The following NKTR variants were observed in gnomAD, a reference collection of about 807,000 sequenced individuals.
NKTR encodes the protein NK-tumor recognition protein.
NKTR carries 67 observed loss-of-function variants against 156.3 expected under a neutral mutation model. The ratio of observed to expected loss-of-function variants is 0.43; its 90% CI spans 0.35 to 0.53. The LOEUF is 0.53. NKTR is among the 20% of genes least tolerant of loss of function. NKTR has a pLI of 0.01. For missense variants in NKTR, 1,604 were observed against 1,730.9 expected (o/e 0.93, Z 1.30); for synonymous variants, 640 against 596.6 (o/e 1.07, Z -1.06).
chr3:42,619,172 T>C, intron 4 of NKTR, 45 bp downstream of exon 4: 1 of 1,581,942 alleles, frequency 6.3e-7, no homozygotes, highest in Non-Finnish European at 8.6e-7. Flanking sequence ...CTATCAGTTT[T>C]TAAAGTATTT....
intron 6 of NKTR, chr3:42,628,566 C>T (rs1254859020): frequency 1.0e-6 from 1 of 985,254 alleles, no homozygotes; most frequent in Non-Finnish European, 1.2e-6. Flanking sequence ...GCAGGCTTTC[C>T]CCAATACTGC....
At chr3:42,610,817 T>C (rs1195161215) in intron 2 of NKTR, among the ~76,000 whole-genome samples, 13 of 152,338 alleles carry the variant, frequency 8.5e-5, no homozygotes, top group South Asian at 4.1e-4. Flanking sequence ...ACAGTTGATA[T>C]AGTGTTACAC....
At chr3:42,614,985 C>T (rs1205743908) in intron 2 of NKTR, among the ~76,000 whole-genome samples, 2 of 151,870 alleles carry the variant, frequency 1.3e-5, no homozygotes, top group African/African-American at 4.8e-5. Context: ...AAAACCTCTA[C>T]TCTATCCTTT....
intron 12 of NKTR, 35 bp from the exon 13 acceptor site, chr3:42,636,833 T>C (rs1559582925): frequency 6.6e-7 from 1 of 1,520,556 alleles, no homozygotes. Context: ...AACATGCTTA[T>C]AAATCACCGC....
At chr3:42,630,386 T>C in intron 6 of NKTR, 160 bp from the exon 7 acceptor site, 4 of 1,434,802 alleles carry the variant, frequency 2.8e-6, no homozygotes, top group Non-Finnish European at 1.8e-6. Context: ...TATTGCTGTT[T>C]TGGGGTTTTT....
intron 6 of NKTR, among the ~76,000 whole-genome samples, chr3:42,626,380 A>G (rs1051710385): frequency 1.3e-5 from 2 of 152,116 alleles, no homozygotes; most frequent in East Asian, 1.9e-4. Flanking sequence ...TTGTTTAAAT[A>G]TAGATAAAAA....
In NKTR at chr3:42,631,551, G is replaced by T. The variant is rs960552213; in HGVS notation, c.550+235G>T. 3.3e-5 allele frequency among the ~76,000 whole-genome samples: 5 copies of T among 152,106 alleles called. No individual in the cohort carries two copies. In the East Asian group the frequency reaches 9.6e-4, roughly 29 times the overall value. ...TTTGTGTCTGGATTATTGCCGTAGCGTCGTAACTGTTTACCTTGCCTCCGT... is the reference window on the plus strand; with the variant it reads ...TTTGTGTCTGGATTATTGCCGTAGCTTCGTAACTGTTTACCTTGCCTCCGT... On this transcript the variant is annotated intron_variant, in intron 8 of 16. Transcript: ENST00000232978.
chr3:42,616,041 T>G (rs1474556049), intron 2 of NKTR, among the ~76,000 whole-genome samples: 1 of 152,200 alleles, frequency 6.6e-6, no homozygotes, highest in African/African-American at 2.4e-5. Flanking sequence ...CTAAGAATGT[T>G]GACACAGGAA....
In NKTR at chr3:42,612,665, G is replaced by T. The variant is rs1470996568; in HGVS notation, c.59-4905G>T. ...ATATGTATTCAAATAGATATTTCAG[G>T]ATAAAATGTATTTCCTTTGCTAGGT... On this transcript the variant is annotated intron_variant, in intron 2 of 16. Coordinates refer to ENST00000232978, the MANE Select transcript of NKTR (RefSeq NM_005385.4). Among the ~76,000 whole-genome samples the T allele has an allele frequency of 2.0e-5, 3 of 152,162 alleles. No homozygotes were observed. The South Asian group carries it at 6.2e-4, about 32-fold the overall frequency.
chr3:42,623,146 A>C (rs1708065181), intron 6 of NKTR, among the ~76,000 whole-genome samples: 1 of 152,024 alleles, frequency 6.6e-6, no homozygotes, highest in South Asian at 2.1e-4. Flanking sequence ...TTTTCTAGGA[A>C]TATCTAGTAA....
chr3:42,623,240 C>T (rs942000326), intron 6 of NKTR, among the ~76,000 whole-genome samples: 1 of 151,972 alleles, frequency 6.6e-6, no homozygotes, highest in African/African-American at 2.4e-5. Context: ...AATTTTGAAT[C>T]AATAAATTAC....
chr3:42,637,699 T>C lies in NKTR; in HGVS notation c.1995T>C (p.His665=), dbSNP rs140606522. 948 of 1,613,818 alleles carry C rather than the reference T, an allele frequency of 5.9e-4. 1 individual carries two copies. Among genetic ancestry groups the C allele is most frequent in the Non-Finnish European group, 7.6e-4 (901 of 1,179,994 alleles). ...AGACTGGTAGCTCATCATCCTACCA[T>C]AAAAGAGAAAAAAATTCGGAAAGTG... ...IKETGSSSSY[H]KREKNSESDQ... is the part of the protein sequence containing the mutation. The change falls in exon 13 of 17, where the codon CAT becomes CAC. Residue 665 remains histidine (H), a synonymous_variant. Transcript: ENST00000232978.
rs1273230448 is a variant in NKTR, at chr3:42,648,181, G to A, written c.*2206G>A. On this transcript the variant is annotated 3_prime_UTR_variant, in exon 17 of 17. Transcript: ENST00000232978. Reference sequence around the variant, plus strand: ...TTTTAGGGGCATATGATTAGCTCAAGCCCACAGATATATTTTAAGGTTGAT... The same window carrying A: ...TTTTAGGGGCATATGATTAGCTCAAACCCACAGATATATTTTAAGGTTGAT... The A allele has an allele frequency of 2.0e-5, 3 of 152,160 alleles. No individual in the cohort carries two copies. The highest frequency in any genetic ancestry group is 2.9e-5 in the Non-Finnish European group (2 of 68,034). 9.4% of individuals were successfully genotyped at this position (152,160 alleles called of 1,614,324 possible).
intron 13 of NKTR, 88 bp downstream of exon 13, chr3:42,639,838 C>A: frequency 1.1e-6 from 1 of 924,540 alleles, no homozygotes; most frequent in Non-Finnish European, 1.7e-6. Flanking sequence ...GACAGAATCA[C>A]TATTTCCAAA....
chr3:42,605,814 A>G (rs1706178643), intron 2 of NKTR, among the ~76,000 whole-genome samples: 1 of 152,194 alleles, frequency 6.6e-6, no homozygotes, highest in South Asian at 2.1e-4. Flanking sequence ...CTGTTATATT[A>G]TTAACCTAAT....
rs761883263 is a variant in NKTR at position 42,634,713 on chromosome 3, A to C, written c.1017+13A>C. The C allele has an allele frequency of 6.7e-7, 1 of 1,483,188 alleles. No homozygotes were observed. The highest frequency in any genetic ancestry group is 1.4e-5 in the African/African-American group (1 of 71,148). The allele number at this position is 1,483,188 out of a possible 1,614,324, so 91.9% of individuals were successfully genotyped here. A position where few individuals can be genotyped will look rare whatever the true frequency, so the allele number is the denominator to read the frequency against. The stretch of plus-strand genomic sequence containing the variant: ...AAGGGGCACAATTGTATGTGTGATA[A>C]GACTTTTTTTGATATTATGTATCTA... On this transcript the variant is annotated intron_variant, in intron 11 of 16. Coordinates refer to ENST00000232978, the MANE Select transcript of NKTR (RefSeq NM_005385.4).
chr3:42,634,825 A>G (rs1199731485), intron 11 of NKTR, 125 bp downstream of exon 11: 1 of 591,998 alleles, frequency 1.7e-6, no homozygotes, highest in South Asian at 2.5e-5. Flanking sequence ...TGTATTTTCC[A>G]TGGTTATGGG....
chr3:42,627,228 G>A, intron 6 of NKTR: 1 of 985,068 alleles, frequency 1.0e-6, no homozygotes, highest in Non-Finnish European at 1.2e-6. Context: ...CGCTCCAAAG[G>A]TAATGTCTCA....
rs1306902821 is a variant in NKTR, at chr3:42,647,894, A to C, written c.*1919A>C. ...GTTCTGTAGCTCATGAGTCTGGCAC[A>C]GTGTGGCTGGATTCTCTGCTCAGGG... On this transcript the variant is annotated 3_prime_UTR_variant, in exon 17 of 17. Coordinates refer to ENST00000232978, the MANE Select transcript of NKTR (RefSeq NM_005385.4). The C allele has an allele frequency of 6.6e-6, 1 of 152,230 alleles. No individual in the cohort carries two copies. The highest frequency in any genetic ancestry group is 1.5e-5 in the Non-Finnish European group (1 of 68,036). The allele number at this position is 152,230 out of a possible 1,614,324, so 9.4% of individuals were successfully genotyped here.
Sources: gnomAD v4.1 joint callset for allele counts (sites outside exome capture counted in the v4.1 genomes callset) on GRCh38, gnomAD v4.1.1 for gene constraint, MANE v1.5 for transcripts, NCBI Gene and HGNC (gene_info 2026-07-23, HGNC 2026-07-21) for gene names.